The following CNTNAP2 variants were observed in gnomAD, a reference collection of about 807,000 sequenced individuals.
The protein encoded by CNTNAP2 is contactin-associated protein-like 2.
Under a neutral mutation model 155.2 loss-of-function variants are expected in CNTNAP2, and 98 were observed. The ratio of observed to expected loss-of-function variants is 0.63; its 90% CI spans 0.54 to 0.75. The LOEUF (loss-of-function observed/expected upper bound fraction) is 0.75, where lower values mean the gene tolerates loss of function less well. Among genes scored for constraint, CNTNAP2 ranks in the 30% least tolerant of loss-of-function variants. The pLI is 0.00. For synonymous variants in CNTNAP2, 651 were observed against 631.2 expected (o/e 1.03, Z -0.47); for missense variants, 1,727 against 1,688.1 (o/e 1.02, Z -0.40).
At chr7:146,521,948 A>G (rs1459705811) in intron 1 of CNTNAP2, among the ~76,000 whole-genome samples, 1 of 151,986 alleles carries the variant, frequency 6.6e-6, no homozygotes, top group Non-Finnish European at 1.5e-5. Flanking sequence ...TAATTGTAAA[A>G]CACACAAATG....
chr7:146,283,272 G>T (rs956838586), intron 1 of CNTNAP2, among the ~76,000 whole-genome samples: 18 of 152,320 alleles, frequency 1.2e-4, no homozygotes, highest in Admixed American at 5.9e-4. Flanking sequence ...ACTCCTAAAT[G>T]AGTATGAAAC....
chr7:146,796,755 C>T (rs1802776840), intron 2 of CNTNAP2, among the ~76,000 whole-genome samples: 1 of 151,986 alleles, frequency 6.6e-6, no homozygotes, highest in South Asian at 2.1e-4. Context: ...ATAATGCTGA[C>T]TACCTTATTC....
At chr7:146,782,589 G>C (rs1480751081) in intron 2 of CNTNAP2, among the ~76,000 whole-genome samples, 2 of 152,134 alleles carry the variant, frequency 1.3e-5, no homozygotes, top group Non-Finnish European at 2.9e-5. Context: ...ATATAATAAT[G>C]ATAAAGGATA....
chr7:147,572,825 A>C, intron 12 of CNTNAP2, among the ~76,000 whole-genome samples: 1 of 152,040 alleles, frequency 6.6e-6, no homozygotes, highest in East Asian at 1.9e-4. Context: ...TTAACTAGGA[A>C]TTTCTCTCTT....
intron 1 of CNTNAP2, among the ~76,000 whole-genome samples, chr7:146,437,392 C>A (rs1796259295): frequency 6.6e-6 from 1 of 151,348 alleles, no homozygotes; most frequent in Non-Finnish European, 1.5e-5. Flanking sequence ...ACTATTATAA[C>A]ACAGAATAAA....
intron 13 of CNTNAP2, among the ~76,000 whole-genome samples, chr7:147,772,446 CTATA>C (rs58027241): frequency 0.028 from 1,810 of 63,700 alleles, 62 homozygotes; most frequent in East Asian, 0.085. Context: ...CTCTCTCTCG[CTATA>C]TATATATATA....
At chr7:147,774,705 A>C (rs1382489593) in intron 13 of CNTNAP2, among the ~76,000 whole-genome samples, 3 of 152,146 alleles carry the variant, frequency 2.0e-5, no homozygotes, top group African/African-American at 7.2e-5. Flanking sequence ...CTCACCAGGA[A>C]CCAGATTGGA....
intron 8 of CNTNAP2, among the ~76,000 whole-genome samples, chr7:147,135,996 G>A (rs943445624): frequency 1.3e-5 from 2 of 150,838 alleles, no homozygotes; most frequent in Non-Finnish European, 3.0e-5. Flanking sequence ...TAGTAAAAAA[G>A]CATTAATGTA....
intron 8 of CNTNAP2, among the ~76,000 whole-genome samples, chr7:147,252,681 C>T (rs1804225697): frequency 6.6e-6 from 1 of 151,952 alleles, no homozygotes; most frequent in Admixed American, 6.6e-5. Flanking sequence ...TCCTTGGATT[C>T]GATACTAATT....
At chr7:147,603,330 GTTGT>G (rs1584847833) in intron 12 of CNTNAP2, among the ~76,000 whole-genome samples, 2 of 152,222 alleles carry the variant, frequency 1.3e-5, no homozygotes, top group Non-Finnish European at 2.9e-5. Flanking sequence ...TGTTGATGGG[GTTGT>G]TTGTTTTTTT....
At chr7:146,602,311 A>C (rs1350613594) in intron 1 of CNTNAP2, among the ~76,000 whole-genome samples, 1 of 152,226 alleles carries the variant, frequency 6.6e-6, no homozygotes, top group African/African-American at 2.4e-5. Flanking sequence ...TAGACTAGGC[A>C]TGTCAAGACC....
At position 148,194,005 on chromosome 7, in the gene CNTNAP2, C is replaced by G. The variant is rs145685712; in HGVS notation, c.3010+21527C>G. 2.4e-3 allele frequency among the ~76,000 whole-genome samples: 367 copies of G among 150,954 alleles called. 3 individuals are homozygous for G. The highest frequency in any genetic ancestry group is 8.1e-3 in the African/African-American group (332 of 41,040). ...TTTTTAACTGAAACAGGGTCTTGCT[C>G]TGTCGCCCAGGCTGCAGTGCAGTGG... is the stretch of plus-strand genomic sequence containing the variant. On this transcript the variant is annotated intron_variant, in intron 18 of 23. Coordinates refer to ENST00000361727, the MANE Select transcript of CNTNAP2 (RefSeq NM_014141.6).
intron 1 of CNTNAP2, among the ~76,000 whole-genome samples, chr7:146,267,002 A>C (rs1800004453): frequency 6.6e-6 from 1 of 151,974 alleles, no homozygotes; most frequent in African/African-American, 2.4e-5. Context: ...AACAGCAGAT[A>C]GGTATTTCAA....
chr7:148,034,755 C>T (rs978271180), intron 15 of CNTNAP2, among the ~76,000 whole-genome samples: 1 of 152,106 alleles, frequency 6.6e-6, no homozygotes, highest in African/African-American at 2.4e-5. Flanking sequence ...GCATGCATTG[C>T]TATGAACAGA....
At chr7:148,280,640 C>A (rs1005934218) in intron 21 of CNTNAP2, among the ~76,000 whole-genome samples, 1 of 152,060 alleles carries the variant, frequency 6.6e-6, no homozygotes, top group Non-Finnish European at 1.5e-5. Flanking sequence ...AATAAAAAGC[C>A]GGGCACGGTG....
At chr7:146,196,010 A>G (rs1798769943) in intron 1 of CNTNAP2, among the ~76,000 whole-genome samples, 1 of 152,138 alleles carries the variant, frequency 6.6e-6, no homozygotes, top group Admixed American at 6.5e-5. Flanking sequence ...TCTAGACTGG[A>G]ATTGACTTGC....
chr7:147,398,405 G>GGA (rs1554479607), intron 10 of CNTNAP2, among the ~76,000 whole-genome samples: 5 of 146,450 alleles, frequency 3.4e-5, no homozygotes, highest in African/African-American at 1.3e-4. Flanking sequence ...TTGAGAGGGA[G>GGA]AAAAAAAAAA....
At chr7:146,292,941 T>C (rs1800454829) in intron 1 of CNTNAP2, among the ~76,000 whole-genome samples, 1 of 152,100 alleles carries the variant, frequency 6.6e-6, no homozygotes. Flanking sequence ...AATACATTAT[T>C]CTTTGGGATA....
intron 1 of CNTNAP2, among the ~76,000 whole-genome samples, chr7:146,208,973 A>T (rs1046470918): frequency 2.0e-5 from 3 of 152,088 alleles, no homozygotes; most frequent in Non-Finnish European, 4.4e-5. Flanking sequence ...AAAAAAAAGT[A>T]ACCTATATAA....
Sources: gnomAD v4.1 joint callset for allele counts (sites outside exome capture counted in the v4.1 genomes callset) on GRCh38, gnomAD v4.1.1 for gene constraint, MANE v1.5 for transcripts, NCBI Gene and HGNC (gene_info 2026-07-23, HGNC 2026-07-21) for gene names.